RBMS3: variants seen among roughly 807,000 people sequenced by gnomAD.
RBMS3 encodes RNA binding motif single stranded interacting protein 3.
RBMS3 carries 27 observed loss-of-function variants against 66.8 expected under a neutral mutation model. The ratio of observed to expected loss-of-function variants is 0.40; its 90% CI spans 0.30 to 0.56. RBMS3 has a LOEUF of 0.56. Among genes scored for constraint, RBMS3 ranks in the 20% least tolerant of loss-of-function variants. The pLI, the probability that RBMS3 is intolerant of heterozygous loss-of-function variation, is 0.40. For missense variants in RBMS3, 513 were observed against 549.5 expected, an observed-to-expected ratio of 0.93 and a Z score of 0.66; for synonymous variants, 188 against 183.0, an observed-to-expected ratio of 1.03 and a Z score of -0.22.
At chr3:29,307,877 A>T (rs889296708) in intron 1 of RBMS3, among the ~76,000 whole-genome samples, 2 of 151,826 alleles carry the variant, frequency 1.3e-5, no homozygotes, top group African/African-American at 2.4e-5. Flanking sequence ...TTCATCTAAG[A>T]TATTTAATAG....
Position 30,009,327 on chromosome 3 carries a change from T to C in RBMS3, c.*5465T>C, listed in dbSNP as rs995077658. 1 of 152,166 alleles carries C rather than the reference T, an allele frequency of 6.6e-6. No individual in the cohort carries two copies. The highest frequency in any genetic ancestry group is 2.4e-5 in the African/African-American group (1 of 41,458). The allele number at this position is 152,166 out of a possible 1,614,324, so 9.4% of individuals were successfully genotyped here. ...GTCACCTGAGGGTGGAACAAACAATTGGAAATAAAATTTGATTATTTTATT... is the reference window on the plus strand; with the variant it reads ...GTCACCTGAGGGTGGAACAAACAATCGGAAATAAAATTTGATTATTTTATT... On this transcript the variant is annotated 3_prime_UTR_variant, in exon 15 of 15. Coordinates refer to ENST00000383767, the MANE Select transcript of RBMS3 (RefSeq NM_001003793.3).
At chr3:29,685,310 C>G (rs895884245) in intron 4 of RBMS3, among the ~76,000 whole-genome samples, 12 of 152,158 alleles carry the variant, frequency 7.9e-5, no homozygotes, top group African/African-American at 2.9e-4. Context: ...ATCCGCCCGC[C>G]TCGACCTCCC....
chr3:29,344,175 T>C (rs2036439413), intron 1 of RBMS3, among the ~76,000 whole-genome samples: 1 of 152,180 alleles, frequency 6.6e-6, no homozygotes, highest in African/African-American at 2.4e-5. Flanking sequence ...CTTCCTTTCA[T>C]TAAAGCAAAG....
intron 6 of RBMS3, among the ~76,000 whole-genome samples, chr3:29,764,373 G>A (rs1200776590): frequency 7.4e-6 from 1 of 134,528 alleles, no homozygotes; most frequent in Non-Finnish European, 1.6e-5. Flanking sequence ...TTGCATTTTA[G>A]CAGAAATACT....
chr3:29,400,960 T>A (rs2039782630), intron 1 of RBMS3, among the ~76,000 whole-genome samples: 1 of 152,084 alleles, frequency 6.6e-6, no homozygotes, highest in Admixed American at 6.6e-5. Context: ...TGTAATTCAT[T>A]GCAAAGTTGG....
intron 2 of RBMS3, among the ~76,000 whole-genome samples, chr3:29,481,212 A>C (rs1397771824): frequency 6.6e-6 from 1 of 152,200 alleles, no homozygotes; most frequent in Non-Finnish European, 1.5e-5. Flanking sequence ...AGTGTTATAA[A>C]AGTAGGTGCC....
At chr3:29,604,013 G>A (rs1372200927) in intron 4 of RBMS3, among the ~76,000 whole-genome samples, 1 of 151,932 alleles carries the variant, frequency 6.6e-6, no homozygotes, top group African/African-American at 2.4e-5. Context: ...TGTTCGGTGG[G>A]TAGAAGCCAG....
chr3:29,792,685 A>G (rs1224572505), intron 6 of RBMS3, among the ~76,000 whole-genome samples: 1 of 152,200 alleles, frequency 6.6e-6, no homozygotes, highest in East Asian at 1.9e-4. Flanking sequence ...GAAACAGGAA[A>G]AGAGGGAGCA....
chr3:29,916,427 A>C (rs1461585627), intron 10 of RBMS3, among the ~76,000 whole-genome samples: 2 of 152,014 alleles, frequency 1.3e-5, no homozygotes, highest in African/African-American at 4.8e-5. Flanking sequence ...AGTCATTAGA[A>C]CTAGGATTTT....
intron 11 of RBMS3, among the ~76,000 whole-genome samples, chr3:29,943,675 C>G (rs1300835570): frequency 6.6e-6 from 1 of 151,832 alleles, no homozygotes; most frequent in Non-Finnish European, 1.5e-5. Context: ...ACCTTCCGCT[C>G]TGCCTCACTG....
In RBMS3 at chr3:29,601,361, TG is replaced by T. The variant is rs1294193450; in HGVS notation, c.399+14162del. ...TATGTCATCTTCGAAATTATGAAAT[TG>T]GGGGGCCCTCCTACTCTATTTAGTA... On this transcript the variant is annotated intron_variant, in intron 4 of 14. Coordinates refer to ENST00000383767, the MANE Select transcript of RBMS3 (RefSeq NM_001003793.3). 1.3e-5 allele frequency among the ~76,000 whole-genome samples: 2 copies of T among 151,896 alleles called. 1 individual carries two copies. The highest frequency in any genetic ancestry group is 4.8e-5 in the African/African-American group (2 of 41,384).
intron 3 of RBMS3, among the ~76,000 whole-genome samples, chr3:29,514,648 C>CATATATATATAT (rs1491498729): frequency 6.3e-5 from 3 of 47,952 alleles, no homozygotes; most frequent in South Asian, 7.5e-4. Flanking sequence ...GTGTGATAGG[C>CATATATATATAT]ACATATATAT....
At chr3:29,308,729 T>C (rs1017617788) in intron 1 of RBMS3, among the ~76,000 whole-genome samples, 1 of 101,994 alleles carries the variant, frequency 9.8e-6, no homozygotes, top group Non-Finnish European at 1.9e-5. Flanking sequence ...AAATATAGCA[T>C]AGTGATTAAA....
chr3:29,732,273 G>GA (rs1277601789), intron 4 of RBMS3, among the ~76,000 whole-genome samples: 3 of 152,176 alleles, frequency 2.0e-5, no homozygotes, highest in Non-Finnish European at 4.4e-5. Context: ...TGTAATTCCA[G>GA]CTCAAAGGCA....
Position 29,908,931 on chromosome 3 carries a change from T to A in RBMS3, c.939+9176T>A, listed in dbSNP as rs906575809. 2.0e-5 allele frequency among the ~76,000 whole-genome samples: 3 copies of A among 151,924 alleles called. No homozygotes were observed. In the East Asian group the frequency reaches 5.8e-4, roughly 29 times the overall value. ...TTTAGTAATTATATAACCTAAAAAA[T>A]AAAGAAGCCTCTGTGAACAGTTAAG... On this transcript the variant is annotated intron_variant, in intron 10 of 14. Coordinates refer to ENST00000383767, the MANE Select transcript of RBMS3 (RefSeq NM_001003793.3).
intron 12 of RBMS3, among the ~76,000 whole-genome samples, chr3:29,978,237 A>G (rs141065940): frequency 9.4e-4 from 143 of 152,304 alleles, no homozygotes; most frequent in African/African-American, 3.3e-3. Flanking sequence ...CAATTCCTGT[A>G]AATACTTGTT....
intron 6 of RBMS3, among the ~76,000 whole-genome samples, chr3:29,819,156 C>G (rs1197932249): frequency 6.6e-6 from 1 of 152,224 alleles, no homozygotes; most frequent in Non-Finnish European, 1.5e-5. Context: ...AGGTAGCCAA[C>G]TACTCTCCTG....
chr3:29,423,699 G>A (rs557175098), intron 1 of RBMS3, among the ~76,000 whole-genome samples: 2 of 152,272 alleles, frequency 1.3e-5, no homozygotes, highest in East Asian at 3.9e-4. Context: ...CAGTACCCAC[G>A]TATGTTTTTC....
chr3:29,965,043 GTTAA>G (rs757493954), intron 12 of RBMS3, among the ~76,000 whole-genome samples: 13 of 152,058 alleles, frequency 8.5e-5, no homozygotes, highest in Non-Finnish European at 1.9e-4. Flanking sequence ...TGCAAATGCT[GTTAA>G]TTCATTCATT....
Sources: allele counts gnomAD v4.1 joint callset (sites outside exome capture counted in the v4.1 genomes callset), GRCh38; gene constraint gnomAD v4.1.1; transcripts MANE v1.5; gene names NCBI Gene and HGNC (gene_info 2026-07-23, HGNC 2026-07-21).